Variants in NAF1 observed in about 807,000 individuals in gnomAD.
NAF1 encodes H/ACA ribonucleoprotein complex non-core subunit NAF1.
A neutral mutation model predicts 40.6 loss-of-function variants in NAF1; 11 were observed. The observed-to-expected ratio is 0.27, with a 90% CI of 0.17 to 0.45. The LOEUF (loss-of-function observed/expected upper bound fraction) is 0.45, where lower values mean the gene tolerates loss of function less well. Ranked by LOEUF, NAF1 falls within the 20% of genes least tolerant of loss-of-function variation. The pLI is 1.00. For synonymous variants in NAF1, 260 were observed against 228.5 expected (o/e 1.14, Z -1.24); for missense variants, 607 against 611.1 (o/e 0.99, Z 0.07).
In NAF1 at chr4:163,166,688, G is replaced by C; in HGVS notation, c.40C>G (p.Leu14Val). 6.2e-7 allele frequency: 1 copy of C among 1,613,794 alleles called. No individual in the cohort carries two copies. Among genetic ancestry groups the C allele is most frequent in the South Asian group, 1.1e-5 (1 of 91,068 alleles). ...VEAAAAQLET[L>V]KFNGTDFGVG... ...CCAAAGTCGGTGCCATTGAATTTCAGAGTTTCCAGCTGAGCGGCGGCGGCC... is the reference window on the plus strand; with the variant it reads ...CCAAAGTCGGTGCCATTGAATTTCACAGTTTCCAGCTGAGCGGCGGCGGCC... The change falls in exon 1 of 8, where the codon CTG becomes GTG. Residue 14 changes from leucine to valine, a missense_variant. Transcript: ENST00000274054.
At chr4:163,134,627 G>C (rs565430021) in intron 6 of NAF1, among the ~76,000 whole-genome samples, 1 of 152,040 alleles carries the variant, frequency 6.6e-6, no homozygotes, top group South Asian at 2.1e-4. Context: ...TGGATAAAGA[G>C]AAAAAAGGAA....
chr4:163,124,626 A>G (rs566803141), downstream of NAF1, among the ~76,000 whole-genome samples: 28 of 152,298 alleles, frequency 1.8e-4, no homozygotes, highest in African/African-American at 5.5e-4. Context: ...TCGATCCACA[A>G]TTGGTTGAAC....
chr4:163,165,850 A>C (rs1732435625), intron 1 of NAF1, among the ~76,000 whole-genome samples: 1 of 152,220 alleles, frequency 6.6e-6, no homozygotes, highest in Non-Finnish European at 1.5e-5. Flanking sequence ...GGCTACTTTC[A>C]TAAACACGTG....
intron 4 of NAF1, chr4:163,144,068 A>C (rs762933486): frequency 7.4e-6 from 7 of 940,428 alleles, no homozygotes; most frequent in South Asian, 9.8e-5. Flanking sequence ...CCTACCAAAC[A>C]AGACAGTAAT....
At chr4:163,128,606 C>CTATATATATATATA (rs61471175), downstream of NAF1, 1 of 307,392 alleles carries the variant, frequency 3.3e-6, no homozygotes, top group African/African-American at 2.4e-5. Flanking sequence ...ATATCCATTA[C>CTATATATATATATA]TATATATATA....
chr4:163,153,233 C>T (rs549702713), intron 2 of NAF1, among the ~76,000 whole-genome samples: 2 of 152,324 alleles, frequency 1.3e-5, no homozygotes, highest in South Asian at 2.1e-4. Flanking sequence ...GGAGTACGAG[C>T]GCATGGCGTG....
chr4:163,130,895 T>A (rs1383695194), intron 7 of NAF1, among the ~76,000 whole-genome samples: 3 of 152,262 alleles, frequency 2.0e-5, no homozygotes, highest in African/African-American at 7.2e-5. Context: ...ACTCTTTTTT[T>A]AGAGACGGAG....
intron 4 of NAF1, among the ~76,000 whole-genome samples, chr4:163,142,592 T>C (rs1731303521): frequency 1.3e-5 from 2 of 152,316 alleles, no homozygotes; most frequent in South Asian, 4.1e-4. Context: ...GCCACAACTA[T>C]AATGAAATCA....
intron 2 of NAF1, among the ~76,000 whole-genome samples, chr4:163,110,874 T>A (rs993499496): frequency 1.3e-5 from 2 of 152,152 alleles, no homozygotes; most frequent in African/African-American, 4.8e-5. Flanking sequence ...TTATATTTTT[T>A]AAAAATGGAT....
chr4:163,112,617 A>T (rs904003202), intron 2 of NAF1, among the ~76,000 whole-genome samples: 1 of 152,190 alleles, frequency 6.6e-6, no homozygotes, highest in African/African-American at 2.4e-5. Flanking sequence ...AGGTGCACTT[A>T]GGGCTCTCCA....
At chr4:163,156,818 TTTCA>T (rs1732005645) in intron 2 of NAF1, 1 of 152,174 alleles carries the variant, frequency 6.6e-6, no homozygotes, top group East Asian at 1.9e-4. Flanking sequence ...TATATTTTAA[TTTCA>T]TTGTTTCCCA....
At chr4:163,144,390 A>G (rs1460671722) in intron 4 of NAF1, among the ~76,000 whole-genome samples, 1 of 152,216 alleles carries the variant, frequency 6.6e-6, no homozygotes, top group East Asian at 1.9e-4. Context: ...CATAAATATC[A>G]CTGTAGCTGA....
At chr4:163,143,255 CAA>C (rs1731330973) in intron 4 of NAF1, among the ~76,000 whole-genome samples, 2 of 152,062 alleles carry the variant, frequency 1.3e-5, no homozygotes, top group South Asian at 4.1e-4. Flanking sequence ...ACAAGATCTC[CAA>C]GGATTCCTAT....
chr4:163,153,243 G>C (rs1181954060), intron 2 of NAF1, among the ~76,000 whole-genome samples: 1 of 152,230 alleles, frequency 6.6e-6, no homozygotes, highest in African/African-American at 2.4e-5. Context: ...CGCATGGCGT[G>C]GGACTGGCAG....
downstream of NAF1, among the ~76,000 whole-genome samples, chr4:163,124,425 T>G (rs900017725): frequency 2.3e-5 from 3 of 129,106 alleles, no homozygotes; most frequent in African/African-American, 5.0e-5. Flanking sequence ...CATACATAAG[T>G]GCAGAGCCCT....
chr4:163,155,238 A>G (rs1457472707), intron 2 of NAF1, among the ~76,000 whole-genome samples: 1 of 152,186 alleles, frequency 6.6e-6, no homozygotes, highest in African/African-American at 2.4e-5. Context: ...GTTGTCCAAT[A>G]TTTCTGTATT....
rs1732349350 is a variant in NAF1, at chr4:163,164,234, CTTTTG to C, written c.518_522del (p.Thr173ArgfsTer2). On this transcript the variant is annotated frameshift_variant, in exon 2 of 8. Transcript: ENST00000274054. LOFTEE classifies it high-confidence loss of function. ...GTACTTACATTAAGAAGTAATTCAT[CTTTTG>C]TTTTAAGAGGAAAATTCTTATTTTC... 3 of 1,551,226 alleles carry C rather than the reference CTTTTG, an allele frequency of 1.9e-6. No individual in the cohort carries two copies. The highest frequency in any genetic ancestry group is 2.8e-5 in the African/African-American group (2 of 71,750).
chr4:163,139,322 C>T (rs898872940), intron 5 of NAF1, among the ~76,000 whole-genome samples: 3 of 152,088 alleles, frequency 2.0e-5, no homozygotes, highest in Non-Finnish European at 4.4e-5. Flanking sequence ...ACTTCTGTGT[C>T]AAACTGAGTG....
At chr4:163,124,420 A>G (rs941514705), downstream of NAF1, among the ~76,000 whole-genome samples, 1 of 129,706 alleles carries the variant, frequency 7.7e-6, no homozygotes. Context: ...TAATCCATAC[A>G]TAAGTGCAGA....
Sources: allele counts gnomAD v4.1 joint callset (sites outside exome capture counted in the v4.1 genomes callset), GRCh38; gene constraint gnomAD v4.1.1; transcripts MANE v1.5; gene names NCBI Gene and HGNC (gene_info 2026-07-23, HGNC 2026-07-21).